GMPS: variants seen among roughly 807,000 people sequenced by gnomAD.
GMPS encodes the protein guanosine monophosphate synthase, also known as GMP synthase [glutamine-hydrolyzing].
GMPS carries 15 observed loss-of-function variants against 77.9 expected under a neutral mutation model. The observed-to-expected ratio is 0.19, with a 90% CI of 0.13 to 0.30. GMPS has a LOEUF of 0.30. Among genes scored for constraint, GMPS ranks in the 10% least tolerant of loss-of-function variants. The pLI, the probability that GMPS is intolerant of heterozygous loss-of-function variation, is 1.00. For synonymous variants in GMPS, 224 were observed against 275.9 expected (o/e 0.81, Z 1.86); for missense variants, 590 against 838.8 (o/e 0.70, Z 3.66).
intron 9 of GMPS, 39 bp downstream of exon 9, chr3:155,916,231 T>C: frequency 7.6e-7 from 1 of 1,308,402 alleles, no homozygotes; most frequent in Non-Finnish European, 1.1e-6. Flanking sequence ...AGTAGATACA[T>C]GGAAAGTCTT....
intron 1 of GMPS, among the ~76,000 whole-genome samples, chr3:155,876,444 A>G (rs1032171805): frequency 6.6e-5 from 10 of 152,274 alleles, no homozygotes; most frequent in African/African-American, 2.4e-4. Context: ...AGAACTGTTT[A>G]CTATGCTTGC....
chr3:155,912,820 A>G (rs980010538), intron 7 of GMPS, among the ~76,000 whole-genome samples: 10 of 152,104 alleles, frequency 6.6e-5, no homozygotes, highest in African/African-American at 2.2e-4. Flanking sequence ...TGTGCTGTAG[A>G]CTTCTGGGGA....
At chr3:155,925,194 T>C in intron 11 of GMPS, 47 bp from the exon 12 acceptor site, 6 of 1,545,622 alleles carry the variant, frequency 3.9e-6, no homozygotes, top group Non-Finnish European at 5.3e-6. Context: ...AAAGAGTGAA[T>C]ACCTTATTTC....
chr3:155,934,971 A>T lies in GMPS; in HGVS notation c.1732A>T (p.Thr578Ser). Residue 578 changes from threonine to serine, a missense_variant, in exon 14 of 16, where the codon ACT (threonine) becomes TCT (serine). Thr to Ser is a moderately conservative substitution (Grantham distance 58). Coordinates refer to ENST00000496455, the MANE Select transcript of GMPS (RefSeq NM_003875.3). ...AGAACCTCCTACAGATGTTACTCCC[A>T]CTTTCTTGACAACAGGGGTGCTCAG... ...VKEPPTDVTP[T>S]FLTTGVLSTL... 6.3e-7 allele frequency: 1 copy of T among 1,591,492 alleles called. No homozygotes were observed. Among genetic ancestry groups the T allele is most frequent in the Non-Finnish European group, 8.6e-7 (1 of 1,159,544 alleles).
chr3:155,888,902 G>A (rs545336517), intron 1 of GMPS, among the ~76,000 whole-genome samples: 1 of 151,736 alleles, frequency 6.6e-6, no homozygotes, highest in African/African-American at 2.4e-5. Flanking sequence ...TGTATTTTTT[G>A]TAGAGACAGG....
At chr3:155,899,725 C>T (rs1037237299) in intron 3 of GMPS, among the ~76,000 whole-genome samples, 3 of 152,118 alleles carry the variant, frequency 2.0e-5, no homozygotes, top group Non-Finnish European at 2.9e-5. Context: ...TATACATTTT[C>T]GACTGCCCAA....
chr3:155,894,443 C>T (rs1577508737), intron 2 of GMPS, among the ~76,000 whole-genome samples: 2 of 152,092 alleles, frequency 1.3e-5, no homozygotes, highest in Non-Finnish European at 2.9e-5. Context: ...AGGCTGGTCT[C>T]GAACTCCTGA....
intron 1 of GMPS, among the ~76,000 whole-genome samples, chr3:155,889,323 C>T (rs1056101459): frequency 6.6e-6 from 1 of 152,152 alleles, no homozygotes; most frequent in Non-Finnish European, 1.5e-5. Flanking sequence ...GAAAGGATCT[C>T]TGACTGGTTA....
rs79657242 is a variant in GMPS, at chr3:155,941,617, A to G, written c.*3925A>G. ...TTGATATGTGGCGAGGACACGCCTTAGCTATCACCCCAATGGATGCTTCTT... is the reference window on the plus strand; with the variant it reads ...TTGATATGTGGCGAGGACACGCCTTGGCTATCACCCCAATGGATGCTTCTT... On this transcript the variant is annotated 3_prime_UTR_variant, in exon 16 of 16. Transcript: ENST00000496455. 5.6e-3 allele frequency: 1,250 copies of G among 221,762 alleles called. 6 individuals carry two copies. Among genetic ancestry groups the G allele is most frequent in the South Asian group, 0.014 (74 of 5,440 alleles). The allele number at this position is 221,762 out of a possible 1,614,324, so 13.7% of individuals were successfully genotyped here. A position where few individuals can be genotyped will look rare whatever the true frequency, so the allele number is the denominator to read the frequency against.
chr3:155,938,515 T>C lies in GMPS; in HGVS notation c.*823T>C, dbSNP rs1187860560. 1 of 209,144 alleles carries C rather than the reference T, an allele frequency of 4.8e-6. No individual in the cohort carries two copies. The highest frequency in any genetic ancestry group is 2.3e-5 in the African/African-American group (1 of 44,016). The allele number at this position is 209,144 out of a possible 1,614,324, so 13.0% of individuals were successfully genotyped here. ...GAAACTGGCTCAATGACGTTTCTGG[T>C]GTAGTGCAGATAGAGGTCAAGAGGA... On this transcript the variant is annotated 3_prime_UTR_variant, in exon 16 of 16. Transcript: ENST00000496455.
chr3:155,890,708 T>A (rs1463708469), intron 1 of GMPS, among the ~76,000 whole-genome samples: 1 of 152,314 alleles, frequency 6.6e-6, no homozygotes, highest in Middle Eastern at 3.4e-3. Flanking sequence ...GTCACTTCCT[T>A]TGGGACGTTG....
chr3:155,915,238 GTT>G (rs35664957), intron 8 of GMPS, among the ~76,000 whole-genome samples: 7,742 of 133,056 alleles, frequency 0.058, 277 homozygotes, highest in East Asian at 0.19. Context: ...CTTTGTTTTT[GTT>G]TTTTTTTTTT....
At chr3:155,935,091 T>C (rs531620625) in intron 14 of GMPS, 45 bp downstream of exon 14, 8 of 1,403,884 alleles carry the variant, frequency 5.7e-6, no homozygotes, top group African/African-American at 4.2e-5. Flanking sequence ...AAACTAGTTT[T>C]TGGAAGCTTG....
Position 155,916,174 on chromosome 3 carries a change from C to T in GMPS, c.1194C>T (p.Ile398=), listed in dbSNP as rs1755174908. 1.2e-6 allele frequency: 2 copies of T among 1,608,750 alleles called. No individual in the cohort carries two copies. Among genetic ancestry groups the T allele is most frequent in the Non-Finnish European group, 1.7e-6 (2 of 1,178,076 alleles). ...CCCATCACAATGACACAGAGCTCAT[C>T]AGAAAGTTGAGAGAGGAGGTAAAAG... is the stretch of plus-strand genomic sequence containing the variant. ...IKTHHNDTEL[I]RKLREEGKVI... The change falls in exon 9 of 16, where the codon ATC becomes ATT. Residue 398 remains isoleucine, a synonymous_variant. Transcript: ENST00000496455.
intron 1 of GMPS, among the ~76,000 whole-genome samples, chr3:155,874,901 CTTTTTTTTTT>C (rs1171275758): frequency 5.6e-5 from 4 of 71,414 alleles, no homozygotes; most frequent in Non-Finnish European, 7.8e-5. Flanking sequence ...ACTTTGTTTT[CTTTTTTTTTT>C]TTTTTTTTTT....
intron 1 of GMPS, among the ~76,000 whole-genome samples, chr3:155,888,461 A>C (rs544373348): frequency 6.6e-6 from 1 of 151,308 alleles, no homozygotes; most frequent in African/African-American, 2.4e-5. Context: ...ACAGGATCTC[A>C]CTCTGTCACC....
chr3:155,908,565 AG>A (rs1754954764), intron 5 of GMPS, among the ~76,000 whole-genome samples: 2 of 152,218 alleles, frequency 1.3e-5, no homozygotes, highest in East Asian at 3.8e-4. Context: ...AGGGTGATAG[AG>A]GTAGACATTG....
intron 3 of GMPS, among the ~76,000 whole-genome samples, chr3:155,901,695 G>A (rs2055584845): frequency 1.3e-5 from 2 of 151,640 alleles, no homozygotes; most frequent in African/African-American, 4.8e-5. Context: ...GGTATTAAAT[G>A]GGGGTCACGT....
At chr3:155,877,381 T>C (rs1426811100) in intron 1 of GMPS, among the ~76,000 whole-genome samples, 1 of 152,190 alleles carries the variant, frequency 6.6e-6, no homozygotes, top group Non-Finnish European at 1.5e-5. Flanking sequence ...TATTGAGATA[T>C]AATTGACATA....
Sources: gnomAD v4.1 joint callset for allele counts (sites outside exome capture counted in the v4.1 genomes callset) on GRCh38, gnomAD v4.1.1 for gene constraint, MANE v1.5 for transcripts, NCBI Gene and HGNC (gene_info 2026-07-23, HGNC 2026-07-21) for gene names.